Variants in FBXL7 observed in about 807,000 individuals in gnomAD.
The protein encoded by FBXL7 is F-box and leucine rich repeat protein 7.
Under a neutral mutation model 38.3 loss-of-function variants are expected in FBXL7, and 12 were observed. The observed-to-expected ratio is 0.31, with a 90% confidence interval of 0.20 to 0.51. The LOEUF (loss-of-function observed/expected upper bound fraction) is 0.51, where lower values mean the gene tolerates loss of function less well. FBXL7 is among the 20% of genes least tolerant of loss of function. FBXL7 has a pLI of 0.98. For synonymous variants in FBXL7, 297 were observed against 300.9 expected, an observed-to-expected ratio of 0.99 and a Z score of 0.13; for missense variants, 567 against 676.4, an observed-to-expected ratio of 0.84 and a Z score of 1.79.
At chr5:15,716,832 ATATCT>A (rs1487614697) in intron 2 of FBXL7, among the ~76,000 whole-genome samples, 8 of 152,208 alleles carry the variant, frequency 5.3e-5, no homozygotes, top group African/African-American at 1.9e-4. Context: ...ACATTAAGAA[ATATCT>A]TAGTGGAATA....
chr5:15,647,948 G>C (rs148477857), intron 2 of FBXL7, among the ~76,000 whole-genome samples: 1 of 152,242 alleles, frequency 6.6e-6, no homozygotes, highest in Non-Finnish European at 1.5e-5. Flanking sequence ...CCTCTGTGAA[G>C]CCTGGGGGTG....
chr5:15,870,172 C>A (rs1415164597), intron 2 of FBXL7, among the ~76,000 whole-genome samples: 1 of 151,880 alleles, frequency 6.6e-6, no homozygotes, highest in African/African-American at 2.4e-5. Flanking sequence ...AAAGAAGGGA[C>A]CTACCAACCT....
intron 1 of FBXL7, among the ~76,000 whole-genome samples, chr5:15,544,767 T>G (rs138416306): frequency 6.6e-6 from 1 of 152,296 alleles, no homozygotes; most frequent in Non-Finnish European, 1.5e-5. Flanking sequence ...GTGGCCCTTA[T>G]TGTTTGGGAG....
intron 2 of FBXL7, among the ~76,000 whole-genome samples, chr5:15,670,953 C>A (rs1305291894): frequency 6.6e-6 from 1 of 152,122 alleles, no homozygotes; most frequent in Non-Finnish European, 1.5e-5. Context: ...AGCTCTTATA[C>A]CCTGGTGGAG....
At chr5:15,615,105 C>T (rs1740401338) in intron 1 of FBXL7, among the ~76,000 whole-genome samples, 2 of 152,262 alleles carry the variant, frequency 1.3e-5, no homozygotes, top group South Asian at 2.1e-4. Context: ...TAGGTTTCTC[C>T]ATCACTGGGC....
At chr5:15,821,913 T>G (rs1337667847) in intron 2 of FBXL7, among the ~76,000 whole-genome samples, 1 of 152,134 alleles carries the variant, frequency 6.6e-6, no homozygotes. Flanking sequence ...TACAAAGAAC[T>G]GCCAAGCTCC....
chr5:15,561,829 C>T (rs187517741), intron 1 of FBXL7, among the ~76,000 whole-genome samples: 225 of 152,024 alleles, frequency 1.5e-3, no homozygotes, highest in Non-Finnish European at 2.4e-3. Context: ...GCCAAAACAA[C>T]CTTGAGAAAG....
intron 2 of FBXL7, among the ~76,000 whole-genome samples, chr5:15,901,059 A>G (rs1029545684): frequency 1.3e-5 from 2 of 152,206 alleles, no homozygotes; most frequent in Non-Finnish European, 2.9e-5. Context: ...GGCCACTCTA[A>G]AAATGCATTC....
chr5:15,632,326 A>G (rs1741028526), intron 2 of FBXL7, among the ~76,000 whole-genome samples: 1 of 152,154 alleles, frequency 6.6e-6, no homozygotes, highest in African/African-American at 2.4e-5. Flanking sequence ...TCTTATTTTT[A>G]TAACAAAAAG....
intron 3 of FBXL7, chr5:15,935,037 T>G (rs979350582): frequency 2.2e-6 from 1 of 447,622 alleles, no homozygotes; most frequent in African/African-American, 2.0e-5. Flanking sequence ...ACAGATTGGC[T>G]CTGAGACCTG....
chr5:15,816,312 G>A (rs752518637), intron 2 of FBXL7, among the ~76,000 whole-genome samples: 2 of 151,934 alleles, frequency 1.3e-5, no homozygotes, highest in Non-Finnish European at 2.9e-5. Flanking sequence ...ACTCAGCCAT[G>A]GAAAAGAACA....
chr5:15,900,868 T>C (rs912875781), intron 2 of FBXL7, among the ~76,000 whole-genome samples: 37 of 152,234 alleles, frequency 2.4e-4, no homozygotes, highest in Non-Finnish European at 2.9e-4. Flanking sequence ...AAGTTTACTT[T>C]ACAATCTGAA....
At chr5:15,517,043 T>C (rs1736961454) in intron 1 of FBXL7, among the ~76,000 whole-genome samples, 1 of 152,144 alleles carries the variant, frequency 6.6e-6, no homozygotes, top group African/African-American at 2.4e-5. Context: ...TTTTTATTTT[T>C]TGAGGCAGAG....
At chr5:15,782,967 T>C (rs1737037339) in intron 2 of FBXL7, among the ~76,000 whole-genome samples, 2 of 152,008 alleles carry the variant, frequency 1.3e-5, no homozygotes, top group South Asian at 4.2e-4. Flanking sequence ...CAATAATAAA[T>C]ATAAAGTGAC....
chr5:15,668,688 G>A (rs1310794894), intron 2 of FBXL7, among the ~76,000 whole-genome samples: 2 of 152,048 alleles, frequency 1.3e-5, no homozygotes, highest in Non-Finnish European at 2.9e-5. Flanking sequence ...ATTTGCCCTG[G>A]CCTGCTAACC....
chr5:15,614,549 C>A (rs1740378700), intron 1 of FBXL7, among the ~76,000 whole-genome samples: 1 of 152,216 alleles, frequency 6.6e-6, no homozygotes, highest in Non-Finnish European at 1.5e-5. Context: ...GGATTACAGG[C>A]ACAAGCCACC....
At chr5:15,814,084 C>T (rs1404398501) in intron 2 of FBXL7, among the ~76,000 whole-genome samples, 3 of 152,098 alleles carry the variant, frequency 2.0e-5, no homozygotes, top group African/African-American at 7.2e-5. Flanking sequence ...TAGGTATATA[C>T]CCAAAGTATT....
intron 2 of FBXL7, among the ~76,000 whole-genome samples, chr5:15,648,679 C>G (rs1027273280): frequency 9.2e-5 from 14 of 152,180 alleles, no homozygotes; most frequent in African/African-American, 2.4e-5. Context: ...TTGTGCAAAG[C>G]TTATTTTTTC....
chr5:15,873,261 C>T (rs1256493695), intron 2 of FBXL7, among the ~76,000 whole-genome samples: 2 of 152,134 alleles, frequency 1.3e-5, no homozygotes, highest in East Asian at 1.9e-4. Context: ...ACAGCTAAAG[C>T]AGTGTTTAGA....
Sources: allele counts gnomAD v4.1 joint callset (sites outside exome capture counted in the v4.1 genomes callset), GRCh38; gene constraint gnomAD v4.1.1; transcripts MANE v1.5; gene names NCBI Gene and HGNC (gene_info 2026-07-23, HGNC 2026-07-21).